TRIM45: variants seen among roughly 807,000 people sequenced by gnomAD.
TRIM45 encodes E3 ubiquitin-protein ligase TRIM45.
In TRIM45, 45 loss-of-function variants were observed where a neutral mutation model predicts 46.7. That is an observed-to-expected ratio of 0.96 (90% CI 0.76 to 1.24). TRIM45 has a LOEUF of 1.24. Among genes scored for constraint, TRIM45 ranks in the 50% most tolerant of loss-of-function variants. The pLI is 0.00. For missense variants in TRIM45, 680 were observed against 728.4 expected (o/e 0.93, Z 0.77); for synonymous variants, 259 against 285.8 (o/e 0.91, Z 0.94).
rs1350276275 is a variant in TRIM45 at position 117,113,481 on chromosome 1, G to A, written c.1472C>T (p.Ser491Leu). 2 of 1,612,554 alleles carry A rather than the reference G, an allele frequency of 1.2e-6. No individual in the cohort carries two copies. The highest frequency in any genetic ancestry group is 1.3e-5 in the African/African-American group (1 of 74,874). ...VCIKEQHVQG[S>L]PFTVMVRRKH... The stretch of plus-strand genomic sequence containing the variant: ...TCTCCTCACCATCACAGTGAATGGC[G>A]AGCCCTGCAGTGTTCAGACCAAAAG... The change falls in exon 5 of 6, where the codon TCG becomes TTG. Residue 491 changes from serine (S) to leucine (L), a missense_variant. Ser to Leu is a moderately radical substitution (Grantham distance 145, BLOSUM62 -2). Coordinates refer to ENST00000256649, the MANE Select transcript of TRIM45 (RefSeq NM_025188.4). This position sits in a 1 kb window ranked among gnomAD's most constrained non-coding sequence, Gnocchi z 4.0.
chr1:117,119,468 G>A (rs1024454304), intron 1 of TRIM45, among the ~76,000 whole-genome samples: 1 of 152,194 alleles, frequency 6.6e-6, no homozygotes, highest in African/African-American at 2.4e-5. Flanking sequence ...TTAGCCAGGC[G>A]TGGTGGCATG....
In TRIM45 at chr1:117,115,465, C is replaced by T; in HGVS notation, c.1467+110G>A. 2.6e-6 allele frequency: 2 copies of T among 769,826 alleles called. No homozygotes were observed. The highest frequency in any genetic ancestry group is 2.5e-5 in the East Asian group (1 of 39,522). The allele number at this position is 769,826 out of a possible 1,614,324, so 47.7% of individuals were successfully genotyped here. ...GCTGTTTCTAAAGTGAAGAAGAAGA[C>T]ATGGGGATTCTATTCAATCTCTCTG... On this transcript the variant is annotated intron_variant, in intron 4 of 5. Transcript: ENST00000256649. The surrounding 1 kb of genome is among the most constrained non-coding windows in gnomAD (Gnocchi z 4.2).
Position 117,121,501 on chromosome 1 carries a change from C to G in TRIM45, c.-300G>C. On this transcript the variant is annotated 5_prime_UTR_variant, in exon 1 of 6. Coordinates refer to ENST00000256649, the MANE Select transcript of TRIM45 (RefSeq NM_025188.4). This position sits in a 1 kb window ranked among gnomAD's most constrained non-coding sequence, Gnocchi z 4.2. Reference sequence around the variant, plus strand: ...TTCCAGGTCTAGCTCTCCAGCTAGTCCTGCTGCCAACAAAGTCACCCCTGC... The same window carrying G: ...TTCCAGGTCTAGCTCTCCAGCTAGTGCTGCTGCCAACAAAGTCACCCCTGC... 1 of 529,094 alleles carries G rather than the reference C, an allele frequency of 1.9e-6. No homozygotes were observed. The allele number at this position is 529,094 out of a possible 1,614,324, so 32.8% of individuals were successfully genotyped here. A position where few individuals can be genotyped will look rare whatever the true frequency, so the allele number is the denominator to read the frequency against.
intron 1 of TRIM45, among the ~76,000 whole-genome samples, chr1:117,119,396 A>AG (rs1161442294): frequency 1.3e-5 from 2 of 152,214 alleles, no homozygotes; most frequent in African/African-American, 4.8e-5. Flanking sequence ...AACTGAGGTC[A>AG]GGAGTTTGAG....
In TRIM45 at chr1:117,118,426, A is replaced by C; in HGVS notation, c.830T>G (p.Val277Gly). Reference protein sequence around the residue: ...QKRVEAVAADVRTFSEGYIKA... With the variant: ...QKRVEAVAADGRTFSEGYIKA... Reference sequence around the variant, plus strand: ...AATGTAGCCCTCCGAGAATGTCCGGACATCAGCTGCCACTGCCTCCACTCG... The same window carrying C: ...AATGTAGCCCTCCGAGAATGTCCGGCCATCAGCTGCCACTGCCTCCACTCG... Residue 277 changes from valine (V) to glycine (G), a missense_variant, in exon 2 of 6, where the codon GTC (valine) becomes GGC (glycine). By Grantham distance (109) the Val-to-Gly change is moderately radical (BLOSUM62 -3). This residue lies in a region of TRIM45 where 349 missense variants were observed against 343.6 expected (regional missense o/e 1.02). Coordinates refer to ENST00000256649, the MANE Select transcript of TRIM45 (RefSeq NM_025188.4). The surrounding 1 kb of genome is among the most constrained non-coding windows in gnomAD (Gnocchi z 5.7). 1 of 1,613,964 alleles carries C rather than the reference A, an allele frequency of 6.2e-7. No individual in the cohort carries two copies. Among genetic ancestry groups the C allele is most frequent in the Non-Finnish European group, 8.5e-7 (1 of 1,179,992 alleles).
At position 117,121,164 on chromosome 1, in the gene TRIM45, C is replaced by T; in HGVS notation, c.38G>A (p.Ser13Asn). 6.3e-7 allele frequency: 1 copy of T among 1,582,996 alleles called. No individual in the cohort carries two copies. Among genetic ancestry groups the T allele is most frequent in the African/African-American group, 1.4e-5 (1 of 73,372 alleles). Residue 13 changes from serine (S) to asparagine (N), a missense_variant, in exon 1 of 6, where the codon AGC (serine) becomes AAC (asparagine). Transcript: ENST00000256649. The surrounding 1 kb of genome is among the most constrained non-coding windows in gnomAD (Gnocchi z 4.2). ...ENRKPLLGFV[S>N]KLTSGTALGN... is the part of the protein sequence containing the mutation. ...AAGTGCAGTCCCACTAGTGAGTTTG[C>T]TTACAAAGCCCAGCAGCGGTTTTCT...
chr1:117,118,156 C>T lies in TRIM45; in HGVS notation c.1100G>A (p.Gly367Glu). The T allele has an allele frequency of 6.2e-7, 1 of 1,614,204 alleles. No homozygotes were observed. The highest frequency in any genetic ancestry group is 8.5e-7 in the Non-Finnish European group (1 of 1,180,032). Residue 367 changes from glycine (G) to glutamate (E), a missense_variant, in exon 2 of 6, where the codon GGA becomes GAA. By Grantham distance (98) the Gly-to-Glu change is moderately conservative (BLOSUM62 -2). Transcript: ENST00000256649. The surrounding 1 kb of genome is among the most constrained non-coding windows in gnomAD (Gnocchi z 5.7). ...ACAGAAGCGTATCTTATCATTTACTCCAGGACGGGTGCTATATTGAACTTT... is the reference window on the plus strand; with the variant it reads ...ACAGAAGCGTATCTTATCATTTACTTCAGGACGGGTGCTATATTGAACTTT... ...LNKVQYSTRP[G>E]VNDKIRFCPQ...
Position 117,121,228 on chromosome 1 carries a change from G to A in TRIM45, c.-27C>T. The A allele has an allele frequency of 6.6e-7, 1 of 1,517,516 alleles. No homozygotes were observed. The highest frequency in any genetic ancestry group is 8.8e-7 in the Non-Finnish European group (1 of 1,141,742). 94.0% of individuals were successfully genotyped at this position (1,517,516 alleles called of 1,614,324 possible). ...CTCCTCACGTTTGTGACCAATATTA[G>A]AAAGGGCCCTGGGCAGTTCTACGAT... On this transcript the variant is annotated 5_prime_UTR_variant, in exon 1 of 6. Transcript: ENST00000256649. The surrounding 1 kb of genome is among the most constrained non-coding windows in gnomAD (Gnocchi z 4.2).
At chr1:117,123,678 G>T (rs1267617447), upstream of TRIM45, among the ~76,000 whole-genome samples, 4 of 149,886 alleles carry the variant, frequency 2.7e-5, no homozygotes, top group Non-Finnish European at 4.4e-5. Context: ...TGCCTAGGCC[G>T]GAATGCAATG....
chr1:117,120,707 T>C lies in TRIM45; in HGVS notation c.488+7A>G, dbSNP rs756130803. On this transcript the variant is annotated splice_region_variant and intron_variant, in intron 1 of 5. Transcript: ENST00000256649. ...AAGCTACACCTGATGGAGTGTCCCA[T>C]CTTTACCTATGAGCCTGGCAGCAGA... 6.3e-7 allele frequency: 1 copy of C among 1,596,270 alleles called. No homozygotes were observed. Among genetic ancestry groups the C allele is most frequent in the South Asian group, 1.1e-5 (1 of 87,530 alleles).
At chr1:117,119,996 T>C (rs1375298591) in intron 1 of TRIM45, among the ~76,000 whole-genome samples, 1 of 152,194 alleles carries the variant, frequency 6.6e-6, no homozygotes, top group Non-Finnish European at 1.5e-5. Context: ...TATATTCTGG[T>C]GTCCTAGGAT....
upstream of TRIM45, among the ~76,000 whole-genome samples, chr1:117,123,582 G>A (rs1360221077): frequency 6.6e-6 from 1 of 151,586 alleles, no homozygotes; most frequent in Non-Finnish European, 1.5e-5. Context: ...ACAACCTTAT[G>A]ATGCCATATC....
chr1:117,115,147 G>C lies in TRIM45; in HGVS notation c.1467+428C>G, dbSNP rs1373523603. ...ACATGAGCAGATGGTTAGGCAGATA[G>C]ATGACTAGTCAATTGTGAGGAGGGG... On this transcript the variant is annotated intron_variant, in intron 4 of 5. Transcript: ENST00000256649. This position sits in a 1 kb window ranked among gnomAD's most constrained non-coding sequence, Gnocchi z 4.2. Among the ~76,000 whole-genome samples the C allele has an allele frequency of 6.6e-6, 1 of 152,206 alleles. No individual in the cohort carries two copies. The highest frequency in any genetic ancestry group is 1.5e-5 in the Non-Finnish European group (1 of 68,028).
chr1:117,116,650 G>A lies in TRIM45; in HGVS notation c.1318C>T (p.Gln440Ter). Residue 440 changes from glutamine to a stop codon, truncating the protein, a stop_gained, in exon 3 of 6, where the codon CAA becomes TAA. Transcript: ENST00000256649. LOFTEE classifies it high-confidence loss of function. The surrounding 1 kb of genome is among the most constrained non-coding windows in gnomAD (Gnocchi z 4.6). The part of the protein sequence containing the change: ...EIMGRGGDNV[Q>*]VAVVPKDKKD... ...TTATCTTTAGGGACAACGGCAACTT[G>A]AACGTTGTCTCCTCCCCTGCCCATG... 6.2e-7 allele frequency: 1 copy of A among 1,614,004 alleles called. No individual in the cohort carries two copies. The highest frequency in any genetic ancestry group is 8.5e-7 in the Non-Finnish European group (1 of 1,179,994).
At position 117,116,526 on chromosome 1, in the gene TRIM45, A is replaced by G. The variant is rs1650407923; in HGVS notation, c.1352+90T>C. ...AGTGCTGGGATTACAGGCATGAGCC[A>G]CTGTGCCCAGCTCCAATATCTTAAA... On this transcript the variant is annotated intron_variant, in intron 3 of 5. Transcript: ENST00000256649. This position sits in a 1 kb window ranked among gnomAD's most constrained non-coding sequence, Gnocchi z 4.6. 7 of 1,530,990 alleles carry G rather than the reference A, an allele frequency of 4.6e-6. No individual in the cohort carries two copies. Among genetic ancestry groups the G allele is most frequent in the Non-Finnish European group, 6.2e-6 (7 of 1,128,728 alleles). 94.8% of individuals were successfully genotyped at this position (1,530,990 alleles called of 1,614,324 possible).
chr1:117,118,581 G>A lies in TRIM45; in HGVS notation c.675C>T (p.Asp225=), dbSNP rs1163933368. Residue 225 remains aspartate, a synonymous_variant, in exon 2 of 6, where the codon GAC becomes GAT. Transcript: ENST00000256649. This position sits in a 1 kb window ranked among gnomAD's most constrained non-coding sequence, Gnocchi z 5.7. ...GCTTGTGGATGACATTGCTGGTGAA[G>A]TCACAGGGGTGTTCCCGATGCTCCC... The part of the protein sequence containing the change: ...VVGEHREHPC[D]FTSNVIHKHG... 3.7e-6 allele frequency: 6 copies of A among 1,614,034 alleles called. No homozygotes were observed. Among genetic ancestry groups the A allele is most frequent in the Non-Finnish European group, 5.1e-6 (6 of 1,180,046 alleles).
Position 117,118,312 on chromosome 1 carries a change from GC to G in TRIM45, c.943del (p.Ala315ProfsTer21). On this transcript the variant is annotated frameshift_variant, in exon 2 of 6. Transcript: ENST00000256649. LOFTEE classifies it high-confidence loss of function. This position sits in a 1 kb window ranked among gnomAD's most constrained non-coding sequence, Gnocchi z 5.7. ...QKENSLQLQK[A>X]QLEQLLADMR... ...GTCTGCCAGTAACTGTTCCAGCTGGGCCTTCTGCAGCTGCAGGGAATTTTCC... is the reference window on the plus strand; with the variant it reads ...GTCTGCCAGTAACTGTTCCAGCTGGGCTTCTGCAGCTGCAGGGAATTTTCC... The G allele has an allele frequency of 6.2e-7, 1 of 1,614,150 alleles. No homozygotes were observed. The highest frequency in any genetic ancestry group is 8.5e-7 in the Non-Finnish European group (1 of 1,180,030).
chr1:117,123,683 G>T (rs1488981982), upstream of TRIM45, among the ~76,000 whole-genome samples: 2 of 149,590 alleles, frequency 1.3e-5, no homozygotes, highest in African/African-American at 4.9e-5. Flanking sequence ...AGGCCGGAAT[G>T]CAATGGCAGG....
In TRIM45 at chr1:117,116,663, T is replaced by A. The variant is rs1186915733; in HGVS notation, c.1305A>T (p.Gly435=). The A allele has an allele frequency of 6.2e-7, 1 of 1,613,946 alleles. No individual in the cohort carries two copies. Among genetic ancestry groups the A allele is most frequent in the South Asian group, 1.1e-5 (1 of 91,064 alleles). The change falls in exon 3 of 6, where the codon GGA becomes GGT. Residue 435 remains glycine (G), a synonymous_variant. Coordinates refer to ENST00000256649, the MANE Select transcript of TRIM45 (RefSeq NM_025188.4). This position sits in a 1 kb window ranked among gnomAD's most constrained non-coding sequence, Gnocchi z 4.6. ...CAACGGCAACTTGAACGTTGTCTCC[T>A]CCCCTGCCCATGATTTCTCCTGCGG... ...KDAAGEIMGR[G]GDNVQVAVVP...
Sources: gnomAD v4.1 joint callset for allele counts (sites outside exome capture counted in the v4.1 genomes callset) on GRCh38, gnomAD v4.1.1 for gene constraint, gnomAD v4.1.1 regional missense constraint, Gnocchi (gnomAD v3.1) non-coding constraint, MANE v1.5 for transcripts, NCBI Gene and HGNC (gene_info 2026-07-23, HGNC 2026-07-21) for gene names.